Variants in ARHGAP15 observed in about 807,000 individuals in gnomAD.
ARHGAP15 encodes the protein rho GTPase-activating protein 15.
In ARHGAP15, 51 loss-of-function variants were observed where a neutral mutation model predicts 63.7. The ratio of observed to expected loss-of-function variants is 0.80; its 90% CI spans 0.64 to 1.01. ARHGAP15 has a LOEUF of 1.01. ARHGAP15 is among the 50% of genes least tolerant of loss of function. The pLI, the probability that ARHGAP15 is intolerant of heterozygous loss-of-function variation, is 0.00. For synonymous variants in ARHGAP15, 191 were observed against 193.8 expected, an observed-to-expected ratio of 0.99 and a Z score of 0.12; for missense variants, 560 against 564.6, an observed-to-expected ratio of 0.99 and a Z score of 0.08.
At position 143,618,932 on chromosome 2, in the gene ARHGAP15, C is replaced by T. The variant is rs1258627160; in HGVS notation, c.1004-5201C>T. Reference sequence around the variant, plus strand: ...TGACTGCAACCTCTACCTCCCAATTCTCCTGCCTCAGCCTCCCGAGTAGCT... The same window carrying T: ...TGACTGCAACCTCTACCTCCCAATTTTCCTGCCTCAGCCTCCCGAGTAGCT... On this transcript the variant is annotated intron_variant, in intron 11 of 13. Coordinates refer to ENST00000295095, the MANE Select transcript of ARHGAP15 (RefSeq NM_018460.4). Among the ~76,000 whole-genome samples the T allele has an allele frequency of 2.0e-5, 3 of 151,962 alleles. No individual in the cohort carries two copies. In the South Asian group the frequency reaches 6.2e-4, roughly 32 times the overall value.
chr2:143,296,092 T>G (rs951819452), intron 6 of ARHGAP15, among the ~76,000 whole-genome samples: 2 of 151,942 alleles, frequency 1.3e-5, no homozygotes, highest in African/African-American at 4.8e-5. Flanking sequence ...CTATATCACT[T>G]CCCATCCCTG....
At chr2:143,503,655 G>T (rs1296577462) in intron 9 of ARHGAP15, among the ~76,000 whole-genome samples, 1 of 152,220 alleles carries the variant, frequency 6.6e-6, no homozygotes, top group Non-Finnish European at 1.5e-5. Flanking sequence ...TTGCAAAACA[G>T]ATAATATATG....
chr2:143,421,098 G>A (rs1268687136), intron 6 of ARHGAP15, among the ~76,000 whole-genome samples: 1 of 152,108 alleles, frequency 6.6e-6, no homozygotes, highest in East Asian at 1.9e-4. Flanking sequence ...TCATGGTGAG[G>A]TATCTCAGAT....
chr2:143,558,227 T>C (rs1000343826), intron 11 of ARHGAP15, among the ~76,000 whole-genome samples: 1 of 152,154 alleles, frequency 6.6e-6, no homozygotes, highest in Non-Finnish European at 1.5e-5. Flanking sequence ...CATACTGTTG[T>C]GTTTTTTAAT....
intron 9 of ARHGAP15, among the ~76,000 whole-genome samples, chr2:143,501,735 C>T (rs1559013194): frequency 6.6e-6 from 1 of 152,074 alleles, no homozygotes; most frequent in Non-Finnish European, 1.5e-5. Flanking sequence ...AGAGAGACAA[C>T]CAGATCTGCA....
chr2:143,367,909 T>C (rs1182189980), intron 6 of ARHGAP15, among the ~76,000 whole-genome samples: 3 of 152,012 alleles, frequency 2.0e-5, no homozygotes, highest in East Asian at 1.9e-4. Context: ...ATTTTACAAA[T>C]TAAAAGAACT....
chr2:143,693,805 T>C (rs1683720703), intron 12 of ARHGAP15, among the ~76,000 whole-genome samples: 1 of 152,216 alleles, frequency 6.6e-6, no homozygotes, highest in Admixed American at 6.5e-5. Context: ...ACTAACAGTC[T>C]GAAAGAACTC....
intron 6 of ARHGAP15, among the ~76,000 whole-genome samples, chr2:143,309,287 C>T (rs148839075): frequency 6.6e-6 from 1 of 152,032 alleles, no homozygotes; most frequent in Non-Finnish European, 1.5e-5. Flanking sequence ...TAAAAATCAA[C>T]ATTATACAGA....
chr2:143,216,513 T>C, intron 4 of ARHGAP15, 68 bp downstream of exon 4: 5 of 1,199,336 alleles, frequency 4.2e-6, no homozygotes, highest in Non-Finnish European at 6.1e-6. Flanking sequence ...CTTGTGCCAC[T>C]GTTATTGTTT....
intron 9 of ARHGAP15, 100 bp downstream of exon 9, chr2:143,487,595 T>G (rs1309513423): frequency 1.5e-6 from 2 of 1,313,162 alleles, no homozygotes; most frequent in African/African-American, 3.1e-5. Context: ...TATTTTATTC[T>G]TCTTAGGTTG....
intron 10 of ARHGAP15, among the ~76,000 whole-genome samples, chr2:143,542,217 C>T (rs2105049420): frequency 6.6e-6 from 1 of 152,290 alleles, no homozygotes. Context: ...TTTGTTAAGC[C>T]CATTGGAAGA....
At chr2:143,401,867 T>G (rs1250936342) in intron 6 of ARHGAP15, among the ~76,000 whole-genome samples, 2 of 152,006 alleles carry the variant, frequency 1.3e-5, no homozygotes, top group Non-Finnish European at 2.9e-5. Context: ...CGAGCAAAAT[T>G]GCATTTGTTT....
intron 8 of ARHGAP15, among the ~76,000 whole-genome samples, chr2:143,447,270 G>T (rs532519022): frequency 8.5e-5 from 13 of 152,246 alleles, no homozygotes; most frequent in Middle Eastern, 3.4e-3. Context: ...AGCAAGGAAA[G>T]ATTTTATTTA....
In ARHGAP15 at chr2:143,254,968, G is replaced by C. The variant is rs1365075373; in HGVS notation, c.474+4368G>C. Among the ~76,000 whole-genome samples the C allele has an allele frequency of 2.0e-5, 3 of 152,098 alleles. No individual in the cohort carries two copies. In the East Asian group the frequency reaches 5.8e-4, roughly 29 times the overall value. On this transcript the variant is annotated intron_variant, in intron 6 of 13. Transcript: ENST00000295095. ...AAGATGAAGAAGATAACTGTTTCCT[G>C]GGTCTTTTTCATTACAGGTTATAAG... is the stretch of plus-strand genomic sequence containing the variant.
intron 6 of ARHGAP15, among the ~76,000 whole-genome samples, chr2:143,401,812 C>G (rs543686940): frequency 6.6e-6 from 1 of 152,048 alleles, no homozygotes; most frequent in South Asian, 2.1e-4. Context: ...GTGTGTCATG[C>G]AAGACTCCAT....
intron 10 of ARHGAP15, among the ~76,000 whole-genome samples, chr2:143,554,649 ATAAGT>A (rs1202892513): frequency 6.6e-6 from 1 of 152,130 alleles, no homozygotes; most frequent in Non-Finnish European, 1.5e-5. Context: ...AAAGAAAATG[ATAAGT>A]TTTTTGTAAA....
rs1176022685 is a variant in ARHGAP15 at position 143,159,725 on chromosome 2, C to T, written c.165+4070C>T. Among the ~76,000 whole-genome samples the T allele has an allele frequency of 2.6e-5, 4 of 151,840 alleles. 1 individual carries two copies. Among genetic ancestry groups the T allele is most frequent in the Admixed American group, 1.3e-4 (2 of 15,212 alleles). Reference sequence around the variant, plus strand: ...TTGTTGTTTTTATACCACATTAAGGCTTACAGGATTATAGGATTCCTAAAT... The same window carrying T: ...TTGTTGTTTTTATACCACATTAAGGTTTACAGGATTATAGGATTCCTAAAT... On this transcript the variant is annotated intron_variant, in intron 2 of 13. Transcript: ENST00000295095.
At chr2:143,568,923 A>G (rs1312161009) in intron 11 of ARHGAP15, among the ~76,000 whole-genome samples, 1 of 152,206 alleles carries the variant, frequency 6.6e-6, no homozygotes, top group Admixed American at 6.5e-5. Flanking sequence ...ACAGAAAATG[A>G]AACACCACAT....
intron 12 of ARHGAP15, among the ~76,000 whole-genome samples, chr2:143,693,499 T>C (rs941183764): frequency 6.6e-6 from 1 of 152,190 alleles, no homozygotes; most frequent in Non-Finnish European, 1.5e-5. Flanking sequence ...GAAGAAAATA[T>C]ATAAATATCT....
Sources: gnomAD v4.1 joint callset for allele counts (sites outside exome capture counted in the v4.1 genomes callset) on GRCh38, gnomAD v4.1.1 for gene constraint, MANE v1.5 for transcripts, NCBI Gene and HGNC (gene_info 2026-07-23, HGNC 2026-07-21) for gene names.